The following NTM variants were observed in gnomAD, a reference collection of about 807,000 sequenced individuals.
NTM encodes IgLON family member 2.
A neutral mutation model predicts 42.1 loss-of-function variants in NTM; 13 were observed. The observed-to-expected ratio is 0.31, with a 90% confidence interval of 0.20 to 0.49. NTM has a LOEUF of 0.49. NTM is among the 20% of genes least tolerant of loss of function. NTM has a pLI of 0.99. For synonymous variants in NTM, 187 were observed against 179.2 expected, an observed-to-expected ratio of 1.04 and a Z score of -0.35; for missense variants, 373 against 452.8, an observed-to-expected ratio of 0.82 and a Z score of 1.60.
chr11:131,598,645 T>G, intron 1 of NTM, among the ~76,000 whole-genome samples: 1 of 152,166 alleles, frequency 6.6e-6, no homozygotes, highest in Non-Finnish European at 1.5e-5. Flanking sequence ...CCACCAGCAC[T>G]ACAGCAGCAA....
At chr11:131,792,185 A>G (rs886915820) in intron 1 of NTM, among the ~76,000 whole-genome samples, 2 of 152,236 alleles carry the variant, frequency 1.3e-5, no homozygotes, top group African/African-American at 4.8e-5. Flanking sequence ...AAAAACAGTC[A>G]TGTACCTCAT....
At chr11:131,828,355 C>T (rs58321882) in intron 1 of NTM, among the ~76,000 whole-genome samples, 38,314 of 152,030 alleles carry the variant, frequency 0.25, 5,180 homozygotes, top group African/African-American at 0.28. Context: ...CCACAATCAT[C>T]ACCATCTTTG....
chr11:131,910,994 C>G, intron 1 of NTM: 2 of 998,852 alleles, frequency 2.0e-6, no homozygotes, highest in South Asian at 4.5e-5. Flanking sequence ...GTGGCGAGCC[C>G]GGCTCCGAAA....
Position 132,194,814 on chromosome 11 carries a change from CTTTT to C in NTM, c.401-17187_401-17184del, listed in dbSNP as rs902871492. Among the ~76,000 whole-genome samples the C allele has an allele frequency of 4.7e-3, 518 of 110,616 alleles. 1 individual carries two copies. The highest frequency in any genetic ancestry group is 0.017 in the African/African-American group (457 of 27,180). 72.6% of individuals were successfully genotyped at this position (110,616 alleles called of 152,430 possible). A position where few individuals can be genotyped will look rare whatever the true frequency, so the allele number is the denominator to read the frequency against. ...GTACACAAATCAGTAGCATTTCTTC[CTTTT>C]TTTTTTTTTTTTTTTTTTTTCTGAG... On this transcript the variant is annotated intron_variant, in intron 3 of 8. Coordinates refer to ENST00000683400, the MANE Select transcript of NTM (RefSeq NM_001352005.2).
chr11:131,486,063 C>T (rs1010004511), intron 1 of NTM, among the ~76,000 whole-genome samples: 5 of 152,104 alleles, frequency 3.3e-5, no homozygotes, highest in East Asian at 1.9e-4. Flanking sequence ...GCAGAGGAAC[C>T]GCCATTTACT....
intron 1 of NTM, among the ~76,000 whole-genome samples, chr11:131,479,423 G>T (rs926911573): frequency 6.6e-6 from 1 of 152,168 alleles, no homozygotes; most frequent in Non-Finnish European, 1.5e-5. Context: ...ATCACAACAT[G>T]AGAGCAGATG....
chr11:132,025,247 G>C (rs2075009006), intron 2 of NTM, among the ~76,000 whole-genome samples: 1 of 152,172 alleles, frequency 6.6e-6, no homozygotes, highest in African/African-American at 2.4e-5. Flanking sequence ...CACGGTAAGG[G>C]AAATTGGAGA....
chr11:131,755,068 T>C (rs1449375565), intron 1 of NTM, among the ~76,000 whole-genome samples: 2 of 152,252 alleles, frequency 1.3e-5, no homozygotes, highest in South Asian at 2.1e-4. Context: ...GCAGGAAGCA[T>C]GAGGTAACTT....
At chr11:131,768,483 A>G (rs1031429798) in intron 1 of NTM, among the ~76,000 whole-genome samples, 2 of 152,212 alleles carry the variant, frequency 1.3e-5, no homozygotes, top group African/African-American at 4.8e-5. Context: ...ACGGAAAAAC[A>G]GCTTAGCCAG....
intron 2 of NTM, among the ~76,000 whole-genome samples, chr11:132,136,395 C>T (rs2067927040): frequency 6.6e-6 from 1 of 152,346 alleles, no homozygotes; most frequent in South Asian, 2.1e-4. Flanking sequence ...CAAGGCCCAC[C>T]TCGAACCCAG....
chr11:131,441,010 A>G (rs1448133826), intron 1 of NTM, among the ~76,000 whole-genome samples: 1 of 151,942 alleles, frequency 6.6e-6, no homozygotes, highest in Admixed American at 6.6e-5. Flanking sequence ...AACGTGTTTC[A>G]TCTGCTGATG....
chr11:131,654,386 C>T (rs1020039575), intron 1 of NTM, among the ~76,000 whole-genome samples: 2 of 152,084 alleles, frequency 1.3e-5, no homozygotes, highest in African/African-American at 2.4e-5. Context: ...GGGGACCTCA[C>T]GGCCACAAGA....
intron 2 of NTM, among the ~76,000 whole-genome samples, chr11:131,990,495 G>A (rs1000931299): frequency 7.9e-5 from 12 of 151,794 alleles, no homozygotes; most frequent in African/African-American, 2.9e-4. Context: ...ATTTGTGTGG[G>A]TCTGTGTGTG....
intron 2 of NTM, among the ~76,000 whole-genome samples, chr11:132,073,652 G>A (rs898545408): frequency 2.6e-5 from 4 of 152,162 alleles, no homozygotes; most frequent in African/African-American, 4.8e-5. Flanking sequence ...TAACCATTAT[G>A]GTCAATTTCA....
intron 2 of NTM, among the ~76,000 whole-genome samples, chr11:132,123,426 C>T (rs77942312): frequency 0.015 from 2,292 of 152,274 alleles, 29 homozygotes; most frequent in Middle Eastern, 0.068. Context: ...CTGGAAGCCT[C>T]ACTAGGAGAC....
intron 1 of NTM, among the ~76,000 whole-genome samples, chr11:131,712,246 G>A (rs929900321): frequency 6.7e-6 from 1 of 149,762 alleles, no homozygotes; most frequent in African/African-American, 2.5e-5. Context: ...CTTTGGAAGA[G>A]CAATTTAGTT....
At chr11:131,843,234 T>C (rs1438493527) in intron 1 of NTM, among the ~76,000 whole-genome samples, 1 of 152,146 alleles carries the variant, frequency 6.6e-6, no homozygotes, top group African/African-American at 2.4e-5. Context: ...AAATCCATTT[T>C]CCCTGCTCCT....
intron 1 of NTM, among the ~76,000 whole-genome samples, chr11:131,832,043 A>G (rs1394749126): frequency 6.6e-6 from 1 of 150,852 alleles, no homozygotes; most frequent in Non-Finnish European, 1.5e-5. Context: ...CCTACAGTGG[A>G]AGCTTTTTCT....
At position 131,605,428 on chromosome 11, in the gene NTM, A is replaced by G. The variant is rs118179537; in HGVS notation, c.82+234540A>G. Among the ~76,000 whole-genome samples the G allele has an allele frequency of 3.9e-3, 588 of 152,294 alleles. 2 individuals are homozygous for G. Among genetic ancestry groups the G allele is most frequent in the Non-Finnish European group, 6.1e-3 (413 of 68,002 alleles). On this transcript the variant is annotated intron_variant, in intron 1 of 8. Coordinates refer to ENST00000683400, the MANE Select transcript of NTM (RefSeq NM_001352005.2). ...TGTACCCCGCACATTTACTGAATGT[A>G]TTTCTTAGTTCTAATACTTTCTTAG...
Sources: gnomAD v4.1 joint callset for allele counts (sites outside exome capture counted in the v4.1 genomes callset) on GRCh38, gnomAD v4.1.1 for gene constraint, MANE v1.5 for transcripts, NCBI Gene and HGNC (gene_info 2026-07-23, HGNC 2026-07-21) for gene names.